The following MATCAP2 variants were observed in gnomAD, a reference collection of about 807,000 sequenced individuals.
MATCAP2 encodes the protein microtubule associated tyrosine carboxypeptidase 2, also known as putative tyrosine carboxypeptidase MATCAP2.
chr7:36,336,265 T>C, the MATCAP2 span: 1 of 1,532,852 alleles, frequency 6.5e-7, no homozygotes, highest in East Asian at 2.4e-5. Flanking sequence ...AACTTCCATA[T>C]TTCTGTAAAG....
the MATCAP2 span, among the ~76,000 whole-genome samples, chr7:36,330,379 G>T: frequency 6.6e-6 from 1 of 152,042 alleles, no homozygotes; most frequent in Non-Finnish European, 1.5e-5. Context: ...GTTTGCGGGC[G>T]TGAGCCACCC....
chr7:36,349,559 T>C, the MATCAP2 span, among the ~76,000 whole-genome samples: 1 of 152,172 alleles, frequency 6.6e-6, no homozygotes, highest in Non-Finnish European at 1.5e-5. Context: ...ACCCCTCTTG[T>C]ATTCTCGGCT....
the MATCAP2 span, among the ~76,000 whole-genome samples, chr7:36,343,721 TA>T: frequency 6.7e-6 from 1 of 149,442 alleles, no homozygotes; most frequent in African/African-American, 2.5e-5. Context: ...GGAAAGAAAA[TA>T]AAATGTTTAA....
the MATCAP2 span, among the ~76,000 whole-genome samples, chr7:36,370,026 A>G: frequency 6.6e-6 from 1 of 152,244 alleles, no homozygotes; most frequent in Non-Finnish European, 1.5e-5. Flanking sequence ...AATGTAATCA[A>G]AACATTTAAA....
chr7:36,378,826 C>T, the MATCAP2 span, among the ~76,000 whole-genome samples: 1 of 152,250 alleles, frequency 6.6e-6, no homozygotes, highest in African/African-American at 2.4e-5. Context: ...CTTCCCCAGC[C>T]AGGCTGCTGC....
At chr7:36,389,673 T>G in the MATCAP2 span, 4 of 238,734 alleles carry the variant, frequency 1.7e-5, no homozygotes. Flanking sequence ...AGCGCCCCGC[T>G]GCCCGCCTCC....
At chr7:36,348,866 G>A in the MATCAP2 span, among the ~76,000 whole-genome samples, 1 of 152,208 alleles carries the variant, frequency 6.6e-6, no homozygotes, top group South Asian at 2.1e-4. Flanking sequence ...AGCTTGATTT[G>A]ACAAGACTGC....
chr7:36,346,678 G>A, the MATCAP2 span, among the ~76,000 whole-genome samples: 1 of 152,192 alleles, frequency 6.6e-6, no homozygotes, highest in Non-Finnish European at 1.5e-5. Flanking sequence ...TTTTTGAGGT[G>A]ACGAAATGTT....
chr7:36,331,381 A>G, the MATCAP2 span, among the ~76,000 whole-genome samples: 1 of 152,156 alleles, frequency 6.6e-6, no homozygotes, highest in Non-Finnish European at 1.5e-5. Flanking sequence ...GAGTCTTAGA[A>G]ATATGATTAT....
At chr7:36,335,484 G>A in the MATCAP2 span, among the ~76,000 whole-genome samples, 1 of 152,208 alleles carries the variant, frequency 6.6e-6, no homozygotes, top group Non-Finnish European at 1.5e-5. Context: ...CTAAACTGAT[G>A]CAGAAGAAGA....
At chr7:36,335,110 A>T in the MATCAP2 span, 3 of 1,614,004 alleles carry the variant, frequency 1.9e-6, no homozygotes, top group Non-Finnish European at 2.5e-6. Context: ...TGATAGTCAG[A>T]GTCGGACATC....
chr7:36,335,850 G>A, the MATCAP2 span, among the ~76,000 whole-genome samples: 1 of 152,096 alleles, frequency 6.6e-6, no homozygotes, highest in African/African-American at 2.4e-5. Context: ...GCAGGCGGAT[G>A]ACCTGAGGTC....
At chr7:36,370,953 T>A in the MATCAP2 span, among the ~76,000 whole-genome samples, 1 of 152,240 alleles carries the variant, frequency 6.6e-6, no homozygotes, top group Admixed American at 6.5e-5. Flanking sequence ...AGAAGCATTG[T>A]ATTGTGGAAC....
chr7:36,380,059 T>C, the MATCAP2 span, among the ~76,000 whole-genome samples: 1 of 152,160 alleles, frequency 6.6e-6, no homozygotes, highest in African/African-American at 2.4e-5. Context: ...CTGAGGTGGA[T>C]GATGACCTCA....
the MATCAP2 span, chr7:36,355,828 T>C: frequency 6.6e-6 from 1 of 152,236 alleles, no homozygotes; most frequent in Non-Finnish European, 1.5e-5. Flanking sequence ...TGACCAAATA[T>C]TGTCGGCCTT....
the MATCAP2 span, chr7:36,325,551 A>G: frequency 2.0e-5 from 3 of 152,240 alleles, no homozygotes; most frequent in African/African-American, 7.2e-5. Flanking sequence ...ATAAACTCTC[A>G]GACAGCTTTG....
At chr7:36,328,239 T>TGGGGG in the MATCAP2 span, among the ~76,000 whole-genome samples, 311 of 24,110 alleles carry the variant, frequency 0.013, 34 homozygotes, top group Middle Eastern at 0.053. Flanking sequence ...TTTGTTTTTG[T>TGGGGG]AGGGGGGGGG....
At chr7:36,390,338 A>G in the MATCAP2 span, 1 of 472,810 alleles carries the variant, frequency 2.1e-6, no homozygotes, top group Non-Finnish European at 3.8e-6. Context: ...GTCCCTCTGC[A>G]GTCCTGGCGC....
chr7:36,324,387 C>G, the MATCAP2 span: 1 of 152,276 alleles, frequency 6.6e-6, no homozygotes, highest in East Asian at 1.9e-4. Context: ...TGAATACTGT[C>G]TGGTGTTAAA....
Sources: allele counts gnomAD v4.1 joint callset (sites outside exome capture counted in the v4.1 genomes callset), GRCh38; gene constraint gnomAD v4.1.1; transcripts MANE v1.5; gene names NCBI Gene and HGNC (gene_info 2026-07-23, HGNC 2026-07-21).